FBXW8: variants seen among roughly 807,000 people sequenced by gnomAD.
FBXW8 encodes the protein F-box/WD repeat-containing protein 8.
Under a neutral mutation model 65.3 loss-of-function variants are expected in FBXW8, and 57 were observed. The ratio of observed to expected loss-of-function variants is 0.87; its 90% CI spans 0.71 to 1.09. The LOEUF (loss-of-function observed/expected upper bound fraction) is 1.09, where lower values mean the gene tolerates loss of function less well. FBXW8 is among the 50% of genes least tolerant of loss of function. The pLI is 0.00. For missense variants in FBXW8, 777 were observed against 814.8 expected (o/e 0.95, Z 0.57); for synonymous variants, 308 against 330.2 (o/e 0.93, Z 0.73).
chr12:116,957,180 C>T (rs1004423058), intron 4 of FBXW8, among the ~76,000 whole-genome samples: 3 of 152,026 alleles, frequency 2.0e-5, no homozygotes, highest in Admixed American at 2.0e-4. Flanking sequence ...AACCCCTTCT[C>T]TACCAAAAAT....
chr12:116,988,705 G>A lies in FBXW8; in HGVS notation c.1075G>A (p.Val359Met). ...AGTTCCAGAAACCAGAAGGTACCCTGTGGCAGTAGCCGCTGCTGGAGATCT... is the reference window on the plus strand; with the variant it reads ...AGTTCCAGAAACCAGAAGGTACCCTATGGCAGTAGCCGCTGCTGGAGATCT... ...EIVPETRRYP[V>M]AVAAAGDLMY... Residue 359 changes from valine (V) to methionine (M), a missense_variant, in exon 7 of 11, where the codon GTG becomes ATG. Val to Met is a conservative substitution (Grantham distance 21). Coordinates refer to ENST00000652555, the MANE Select transcript of FBXW8 (RefSeq NM_153348.3). The A allele has an allele frequency of 6.2e-7, 1 of 1,614,162 alleles. No individual in the cohort carries two copies.
chr12:116,940,851 G>T (rs993701201), intron 2 of FBXW8, among the ~76,000 whole-genome samples: 1 of 152,144 alleles, frequency 6.6e-6, no homozygotes, highest in African/African-American at 2.4e-5. Flanking sequence ...AGGTGTTATT[G>T]AGTCTTGAGT....
chr12:116,940,493 C>CTT lies in FBXW8; in HGVS notation c.424-4859_424-4858dup, dbSNP rs35452609. 1.4e-3 allele frequency among the ~76,000 whole-genome samples: 193 copies of CTT among 137,350 alleles called. 1 individual carries two copies. The highest frequency in any genetic ancestry group is 3.8e-3 in the Middle Eastern group (1 of 264). The allele number at this position is 137,350 out of a possible 152,430, so 90.1% of individuals were successfully genotyped here. ...AATAGTGTGGTGGAAGGATGGTGGGCTTTTTTTTTTTTTCCTTCCAGTTTG... is the reference window on the plus strand; with the variant it reads ...AATAGTGTGGTGGAAGGATGGTGGGCTTTTTTTTTTTTTTTCCTTCCAGTTTG... On this transcript the variant is annotated intron_variant, in intron 2 of 10. Coordinates refer to ENST00000652555, the MANE Select transcript of FBXW8 (RefSeq NM_153348.3).
At chr12:117,016,522 C>G (rs930581940) in intron 8 of FBXW8, among the ~76,000 whole-genome samples, 26 of 152,010 alleles carry the variant, frequency 1.7e-4, no homozygotes, top group East Asian at 1.9e-4. Flanking sequence ...GTACAAATCT[C>G]TCATCAGATA....
Position 117,029,600 on chromosome 12 carries a change from A to C in FBXW8, c.*1428A>C, listed in dbSNP as rs1027694281. On this transcript the variant is annotated 3_prime_UTR_variant, in exon 11 of 11. Coordinates refer to ENST00000652555, the MANE Select transcript of FBXW8 (RefSeq NM_153348.3). ...GAAAACCAATAGTTAGTTAATATAA[A>C]GCCAGAAGGTTTTGTTTTTTTTCAG... The C allele has an allele frequency of 6.6e-6, 1 of 152,108 alleles. No homozygotes were observed. The highest frequency in any genetic ancestry group is 2.4e-5 in the African/African-American group (1 of 41,412). The allele number at this position is 152,108 out of a possible 1,614,324, so 9.4% of individuals were successfully genotyped here. A position where few individuals can be genotyped will look rare whatever the true frequency, so the allele number is the denominator to read the frequency against.
intron 4 of FBXW8, chr12:116,950,726 T>G (rs1430318476): frequency 6.6e-6 from 1 of 152,210 alleles, no homozygotes; most frequent in Non-Finnish European, 1.5e-5. Context: ...TGAAAGCCCT[T>G]CTTGGGAGTG....
At chr12:116,926,779 C>A (rs918398922) in intron 1 of FBXW8, among the ~76,000 whole-genome samples, 2 of 152,044 alleles carry the variant, frequency 1.3e-5, no homozygotes, top group African/African-American at 4.8e-5. Context: ...ATCCTTTGCA[C>A]TGTTTTTGCA....
intron 5 of FBXW8, among the ~76,000 whole-genome samples, chr12:116,974,112 C>T (rs1018997673): frequency 1.3e-5 from 2 of 152,192 alleles, no homozygotes; most frequent in African/African-American, 2.4e-5. Flanking sequence ...GGTGGCCTCC[C>T]TGACTTGAGG....
intron 5 of FBXW8, among the ~76,000 whole-genome samples, chr12:116,967,390 G>C (rs1054808589): frequency 6.6e-6 from 1 of 152,224 alleles, no homozygotes; most frequent in Non-Finnish European, 1.5e-5. Flanking sequence ...ACTTGTCCAA[G>C]GGTGGCCCTG....
chr12:116,942,481 T>A (rs940877681), intron 2 of FBXW8, among the ~76,000 whole-genome samples: 1 of 150,810 alleles, frequency 6.6e-6, no homozygotes, highest in Non-Finnish European at 1.5e-5. Flanking sequence ...TTCAAGTGAT[T>A]CTCCTGCCTC....
chr12:116,917,949 G>C (rs1432802898), intron 1 of FBXW8, among the ~76,000 whole-genome samples: 2 of 141,872 alleles, frequency 1.4e-5, no homozygotes, highest in Non-Finnish European at 3.0e-5. Flanking sequence ...CCGAGATTGC[G>C]CCACTGCACT....
chr12:116,949,621 C>T lies in FBXW8; in HGVS notation c.592C>T (p.Arg198Cys), dbSNP rs753804526. The T allele has an allele frequency of 2.0e-5, 33 of 1,614,034 alleles. No homozygotes were observed. Among genetic ancestry groups the T allele is most frequent in the South Asian group, 5.5e-5 (5 of 91,084 alleles). Residue 198 changes from arginine to cysteine, a missense_variant, in exon 4 of 11, where the codon CGC becomes TGC. Transcript: ENST00000652555. ...CATCCCCCTTTTCCTCACGCAGAAT[C>T]GCAAAGGTGCCGTGAGCGAGCTGGA... ...EHMLRTNWKN[R>C]KGAVSELEHV...
chr12:116,984,083 T>C (rs1885503463), intron 5 of FBXW8, among the ~76,000 whole-genome samples: 1 of 152,208 alleles, frequency 6.6e-6, no homozygotes, highest in Admixed American at 6.5e-5. Context: ...ACCAGCCTAA[T>C]GCAGAGAGTA....
chr12:116,999,566 C>T (rs143701180), intron 7 of FBXW8, among the ~76,000 whole-genome samples: 1,845 of 152,288 alleles, frequency 0.012, 34 homozygotes, highest in African/African-American at 0.042. Context: ...CTGCCCTTTC[C>T]CCACCTTTAT....
At chr12:116,982,237 A>AC (rs1241645201) in intron 5 of FBXW8, among the ~76,000 whole-genome samples, 1 of 152,224 alleles carries the variant, frequency 6.6e-6, no homozygotes, top group Non-Finnish European at 1.5e-5. Flanking sequence ...TAAAAGCAAG[A>AC]CCAACTACAT....
At chr12:117,023,277 G>A (rs1373959292) in intron 8 of FBXW8, among the ~76,000 whole-genome samples, 1 of 152,154 alleles carries the variant, frequency 6.6e-6, no homozygotes, top group Non-Finnish European at 1.5e-5. Flanking sequence ...CCTTGTGCTT[G>A]TCCTGTTCCT....
chr12:117,001,658 T>C (rs896829072), intron 7 of FBXW8, among the ~76,000 whole-genome samples: 22 of 152,200 alleles, frequency 1.4e-4, no homozygotes, highest in Non-Finnish European at 3.2e-4. Flanking sequence ...CGTGTGTCAG[T>C]GTTCCTGGCA....
chr12:116,962,200 G>A (rs1176856014), intron 4 of FBXW8, among the ~76,000 whole-genome samples: 3 of 152,172 alleles, frequency 2.0e-5, no homozygotes, highest in South Asian at 4.1e-4. Flanking sequence ...TCCTCTGTGG[G>A]AGAAAGGCTT....
chr12:116,935,029 G>A (rs1882058682), intron 2 of FBXW8, among the ~76,000 whole-genome samples: 1 of 152,104 alleles, frequency 6.6e-6, no homozygotes, highest in Non-Finnish European at 1.5e-5. Context: ...TTTGTTTTCA[G>A]TTTTTTAATG....
Sources: gnomAD v4.1 joint callset for allele counts (sites outside exome capture counted in the v4.1 genomes callset) on GRCh38, gnomAD v4.1.1 for gene constraint, MANE v1.5 for transcripts, NCBI Gene and HGNC (gene_info 2026-07-23, HGNC 2026-07-21) for gene names.